Variants in PDE1C observed in about 807,000 individuals in gnomAD.
The protein encoded by PDE1C is phosphodiesterase 1C, also known as dual specificity calcium/calmodulin-dependent 3',5'-cyclic nucleotide phosphodiesterase 1C.
PDE1C carries 62 observed loss-of-function variants against 93.1 expected under a neutral mutation model. The ratio of observed to expected loss-of-function variants is 0.67; its 90% CI spans 0.54 to 0.82. PDE1C has a LOEUF of 0.82. Among genes scored for constraint, PDE1C ranks in the 40% least tolerant of loss-of-function variants. The pLI is 0.00. For synonymous variants in PDE1C, 325 were observed against 310.1 expected (o/e 1.05, Z -0.50); for missense variants, 742 against 884.6 (o/e 0.84, Z 2.04).
intron 1 of PDE1C, among the ~76,000 whole-genome samples, chr7:32,340,847 GAGA>G (rs1045169101): frequency 1.3e-5 from 2 of 152,200 alleles, no homozygotes; most frequent in African/African-American, 4.8e-5. Flanking sequence ...GTGGAAACGG[GAGA>G]AGAAGGGATG....
intron 3 of PDE1C, among the ~76,000 whole-genome samples, chr7:32,090,564 G>A (rs938684443): frequency 3.9e-5 from 6 of 152,052 alleles, no homozygotes; most frequent in African/African-American, 1.4e-4. Context: ...ACTTCAAATC[G>A]TTGTTTTAGG....
chr7:31,818,186 T>G (rs1197352319), intron 14 of PDE1C, among the ~76,000 whole-genome samples: 1 of 152,174 alleles, frequency 6.6e-6, no homozygotes, highest in African/African-American at 2.4e-5. Flanking sequence ...ATTGAAAAGG[T>G]GAGGAAAGAT....
chr7:31,875,836 A>ATATATATATATATATAG (rs1796518404), intron 5 of PDE1C, among the ~76,000 whole-genome samples: 1 of 34,882 alleles, frequency 2.9e-5, no homozygotes, highest in Non-Finnish European at 6.6e-5. Flanking sequence ...TATATATATA[A>ATATATATATATATATAG]TGGAAAAAGT....
chr7:31,864,920 A>G (rs985913080), intron 7 of PDE1C, 22 bp downstream of exon 7: 2 of 1,607,892 alleles, frequency 1.2e-6, no homozygotes, highest in African/African-American at 2.7e-5. Flanking sequence ...TGGGGAACCT[A>G]AGAGTTCCTA....
At chr7:32,379,387 G>A (rs1228990071) in intron 1 of PDE1C, among the ~76,000 whole-genome samples, 1 of 152,190 alleles carries the variant, frequency 6.6e-6, no homozygotes, top group East Asian at 1.9e-4. Context: ...TCCTCAAAGA[G>A]GAAGAAATAA....
intron 9 of PDE1C, among the ~76,000 whole-genome samples, chr7:31,841,213 C>CTG (rs1791827813): frequency 2.0e-5 from 2 of 99,776 alleles, no homozygotes; most frequent in East Asian, 3.7e-4. Flanking sequence ...CTCTCTGTCT[C>CTG]TCTCTCTCTC....
chr7:31,729,431 G>A, the PDE1C span, among the ~76,000 whole-genome samples: 3 of 152,134 alleles, frequency 2.0e-5, no homozygotes, highest in African/African-American at 7.2e-5. Flanking sequence ...CCAGTGAGAG[G>A]AAAAAAGCAA....
intron 3 of PDE1C, among the ~76,000 whole-genome samples, chr7:32,149,102 T>C (rs1272099601): frequency 6.6e-6 from 1 of 152,086 alleles, no homozygotes; most frequent in African/African-American, 2.4e-5. Flanking sequence ...AATCAACAAA[T>C]GTATGGAGAT....
chr7:31,997,692 T>C (rs1223130088), intron 2 of PDE1C, among the ~76,000 whole-genome samples: 1 of 152,208 alleles, frequency 6.6e-6, no homozygotes, highest in Non-Finnish European at 1.5e-5. Flanking sequence ...AGACACCCAT[T>C]GTCAAGCAGT....
At chr7:32,051,662 G>A (rs1001612802) in intron 1 of PDE1C, 82 bp from the exon 2 acceptor site, 43 of 1,135,462 alleles carry the variant, frequency 3.8e-5, no homozygotes, top group Non-Finnish European at 5.2e-5. Context: ...AGTGGGGATG[G>A]GCATGGGGGT....
At chr7:32,000,860 T>C (rs1257240875) in intron 2 of PDE1C, among the ~76,000 whole-genome samples, 1 of 152,254 alleles carries the variant, frequency 6.6e-6, no homozygotes, top group Non-Finnish European at 1.5e-5. Context: ...AATATATTTT[T>C]GCTTTTACAG....
chr7:31,803,068 T>C (rs1335723852), intron 16 of PDE1C, among the ~76,000 whole-genome samples: 1 of 151,828 alleles, frequency 6.6e-6, no homozygotes, highest in East Asian at 1.9e-4. Context: ...CCTACAATTC[T>C]GTTTTTATTC....
intron 2 of PDE1C, among the ~76,000 whole-genome samples, chr7:31,933,625 A>G (rs11772931): frequency 0.43 from 64,717 of 152,010 alleles, 15,603 homozygotes; most frequent in Non-Finnish European, 0.54. Context: ...AATCCTCAGT[A>G]TTGGAGGTGG....
upstream of PDE1C, among the ~76,000 whole-genome samples, chr7:32,072,941 T>C (rs1395501936): frequency 6.6e-6 from 1 of 152,216 alleles, no homozygotes; most frequent in Non-Finnish European, 1.5e-5. Flanking sequence ...TTATGATTCA[T>C]TGAGGTCATC....
At chr7:32,275,204 A>G (rs1220445377) in intron 1 of PDE1C, among the ~76,000 whole-genome samples, 2 of 152,194 alleles carry the variant, frequency 1.3e-5, no homozygotes, top group African/African-American at 4.8e-5. Flanking sequence ...TCTTTTATAT[A>G]GATGCCTTTT....
the PDE1C span, among the ~76,000 whole-genome samples, chr7:31,711,356 C>CT: frequency 2.0e-5 from 3 of 152,196 alleles, no homozygotes; most frequent in African/African-American, 7.2e-5. Context: ...TTTGCTCAGT[C>CT]TTTTTCCCAT....
At chr7:31,777,149 A>C (rs909685752) in intron 16 of PDE1C, among the ~76,000 whole-genome samples, 10 of 152,126 alleles carry the variant, frequency 6.6e-5, no homozygotes, top group African/African-American at 2.2e-4. Flanking sequence ...AATAAAAAAA[A>C]AAGAAAGAAA....
chr7:32,348,106 A>G (rs1783889028), intron 1 of PDE1C, among the ~76,000 whole-genome samples: 1 of 152,182 alleles, frequency 6.6e-6, no homozygotes. Flanking sequence ...TTGTTTACTA[A>G]AACAAACATC....
At chr7:32,287,884 T>C (rs757994720) in intron 1 of PDE1C, among the ~76,000 whole-genome samples, 2 of 152,240 alleles carry the variant, frequency 1.3e-5, no homozygotes, top group African/African-American at 4.8e-5. Flanking sequence ...CCCAGGTTTC[T>C]AGTTCAGATG....
Sources: gnomAD v4.1 joint callset for allele counts (sites outside exome capture counted in the v4.1 genomes callset) on GRCh38, gnomAD v4.1.1 for gene constraint, MANE v1.5 for transcripts, NCBI Gene and HGNC (gene_info 2026-07-23, HGNC 2026-07-21) for gene names.